The following IQGAP1 variants were observed in gnomAD, a reference collection of about 807,000 sequenced individuals.
IQGAP1 encodes IQ motif containing GTPase activating protein 1, also known as ras GTPase-activating-like protein IQGAP1.
A neutral mutation model predicts 215.6 loss-of-function variants in IQGAP1; 66 were observed. That is an observed-to-expected ratio of 0.31 (90% CI 0.25 to 0.38). The LOEUF (loss-of-function observed/expected upper bound fraction) is 0.38. Among genes scored for constraint, IQGAP1 ranks in the 10% least tolerant of loss-of-function variants. IQGAP1 has a pLI of 1.00. For missense variants in IQGAP1, 1,712 were observed against 1,997.1 expected, an observed-to-expected ratio of 0.86 and a Z score of 2.72; for synonymous variants, 772 against 728.7, an observed-to-expected ratio of 1.06 and a Z score of -0.96.
intron 2 of IQGAP1, among the ~76,000 whole-genome samples, chr15:90,406,528 T>C (rs569689539): frequency 2.3e-3 from 353 of 152,376 alleles, no homozygotes; most frequent in Non-Finnish European, 3.8e-3. Context: ...TACAACATTG[T>C]GAATATTCTA....
At position 90,440,600 on chromosome 15, in the gene IQGAP1, G is replaced by A. The variant is rs1300906521; in HGVS notation, c.634G>A (p.Val212Met). Residue 212 changes from valine to methionine, a missense_variant, in exon 7 of 38, where the codon GTG (valine) becomes ATG (methionine). By Grantham distance (21) the Val-to-Met change is conservative. Around this residue, in one of 2 missense-constraint regions of IQGAP1, gnomAD observed 1,021 missense variants for 1,074.2 expected, o/e 0.95. Coordinates refer to ENST00000268182, the MANE Select transcript of IQGAP1 (RefSeq NM_003870.4). The part of the protein sequence containing the change: ...IGGILANELS[V>M]DEAALHAAVI... ...GGGCATCTTGGCTAATGAACTGTCA[G>A]TGGATGAAGCCGCATGTAAGAAGAG... is the stretch of plus-strand genomic sequence containing the variant. 6.4e-7 allele frequency: 1 copy of A among 1,562,378 alleles called. No homozygotes were observed.
In IQGAP1 at chr15:90,474,473, A is replaced by G. The variant is rs528386360; in HGVS notation, c.2576-12A>G. On this transcript the variant is annotated splice_polypyrimidine_tract_variant and intron_variant, in intron 22 of 37. Transcript: ENST00000268182. ...CTGCTAACTCCATTCTTTGATGCAT[A>G]CTTTCTGTCAGTCAATGCTGAGGAT... The G allele has an allele frequency of 6.2e-7, 1 of 1,607,016 alleles. No homozygotes were observed. Among genetic ancestry groups the G allele is most frequent in the Admixed American group, 1.7e-5 (1 of 60,000 alleles).
chr15:90,404,129 T>C (rs967011070), intron 2 of IQGAP1, among the ~76,000 whole-genome samples: 2 of 152,244 alleles, frequency 1.3e-5, no homozygotes, highest in African/African-American at 4.8e-5. Flanking sequence ...GGTATGCCAT[T>C]GTGCATGTAT....
chr15:90,448,568 C>A lies in IQGAP1; in HGVS notation c.914-5C>A. On this transcript the variant is annotated splice_polypyrimidine_tract_variant and splice_region_variant and intron_variant, in intron 9 of 37. Coordinates refer to ENST00000268182, the MANE Select transcript of IQGAP1 (RefSeq NM_003870.4). The stretch of plus-strand genomic sequence containing the variant: ...CTTTCACAAGCTTTTGCCTTTTTTC[C>A]TCAGCATTTTCTGCATTAGCAAATA... 1 of 1,564,006 alleles carries A rather than the reference C, an allele frequency of 6.4e-7. No individual in the cohort carries two copies. The highest frequency in any genetic ancestry group is 2.3e-5 in the East Asian group (1 of 42,734).
At chr15:90,499,226 G>A (rs2151042312) in intron 37 of IQGAP1, among the ~76,000 whole-genome samples, 1 of 152,340 alleles carries the variant, frequency 6.6e-6, no homozygotes, top group Admixed American at 6.5e-5. Context: ...AATGGTGAAA[G>A]TAGCAGGAAA....
Position 90,477,278 on chromosome 15 carries a change from G to C in IQGAP1, c.3104+48G>C, listed in dbSNP as rs528871658. On this transcript the variant is annotated intron_variant, in intron 25 of 37. Transcript: ENST00000268182. Reference sequence around the variant, plus strand: ...CACAGGCCCCTTCCCACTATCAGAGGGGCTCCCAGTTTGAGATTCATGCCT... The same window carrying C: ...CACAGGCCCCTTCCCACTATCAGAGCGGCTCCCAGTTTGAGATTCATGCCT... 7 of 1,501,828 alleles carry C rather than the reference G, an allele frequency of 4.7e-6. No homozygotes were observed. In the South Asian group the frequency reaches 8.5e-5, roughly 18 times the overall value. 93.0% of individuals were successfully genotyped at this position (1,501,828 alleles called of 1,614,324 possible).
chr15:90,447,192 T>C (rs569675189), intron 9 of IQGAP1, among the ~76,000 whole-genome samples: 1 of 152,218 alleles, frequency 6.6e-6, no homozygotes, highest in Non-Finnish European at 1.5e-5. Flanking sequence ...CAGCCACATA[T>C]ACCTGCAGAC....
chr15:90,492,785 A>G (rs1966224103), intron 35 of IQGAP1, 74 bp downstream of exon 35: 2 of 1,273,912 alleles, frequency 1.6e-6, no homozygotes, highest in Admixed American at 5.0e-5. Flanking sequence ...CTGAAATGAC[A>G]CTGGAAATTT....
intron 17 of IQGAP1, 109 bp from the exon 18 acceptor site, chr15:90,467,341 A>G: frequency 9.4e-7 from 1 of 1,069,494 alleles, no homozygotes; most frequent in Non-Finnish European, 1.3e-6. Flanking sequence ...CAGCTTTTGG[A>G]GTGGTCTTCA....
intron 1 of IQGAP1, among the ~76,000 whole-genome samples, chr15:90,389,560 G>T (rs938672842): frequency 6.6e-6 from 1 of 151,886 alleles, no homozygotes; most frequent in East Asian, 1.9e-4. Context: ...TCAAACTCCT[G>T]ATCTCAAATG....
At chr15:90,442,069 G>A (rs1360832416) in intron 8 of IQGAP1, among the ~76,000 whole-genome samples, 3 of 152,078 alleles carry the variant, frequency 2.0e-5, no homozygotes, top group Non-Finnish European at 4.4e-5. Context: ...CTAGAGCGTA[G>A]CCATTAAAAT....
rs2238328 is a variant in IQGAP1 at position 90,484,694 on chromosome 15, A to G, written c.3921+342A>G. ...TGGCTAAATTTTTTGAATTTTTGGT[A>G]GAGACGGGGTTTCACTGTGTTAGCC... On this transcript the variant is annotated intron_variant, in intron 30 of 37. Coordinates refer to ENST00000268182, the MANE Select transcript of IQGAP1 (RefSeq NM_003870.4). Among the ~76,000 whole-genome samples, 3,699 of 152,182 alleles carry G rather than the reference A, an allele frequency of 0.024. 309 individuals carry two copies. The East Asian group carries it at 0.27, about 11-fold the overall frequency.
In IQGAP1 at chr15:90,487,602, AT is replaced by A; in HGVS notation, c.4248+21del. The A allele has an allele frequency of 6.5e-7, 1 of 1,535,924 alleles. No homozygotes were observed. The highest frequency in any genetic ancestry group is 9.0e-7 in the Non-Finnish European group (1 of 1,109,758). On this transcript the variant is annotated intron_variant, in intron 33 of 37. Transcript: ENST00000268182. ...GAACAGGTAAAATTTAGGGTCTAAC[AT>A]ACTCCTTTGTTTGGTAGATAAGCTC...
At chr15:90,450,475 C>G (rs963932488) in intron 11 of IQGAP1, among the ~76,000 whole-genome samples, 1 of 151,000 alleles carries the variant, frequency 6.6e-6, no homozygotes, top group African/African-American at 2.4e-5. Flanking sequence ...ATATACCTAG[C>G]AATGGGATTG....
At chr15:90,423,463 C>G (rs1389837637) in intron 2 of IQGAP1, among the ~76,000 whole-genome samples, 2 of 151,586 alleles carry the variant, frequency 1.3e-5, no homozygotes, top group Non-Finnish European at 1.5e-5. Context: ...GAACTCCTGA[C>G]CTCAAGTGTT....
chr15:90,430,267 A>G (rs529210416), intron 4 of IQGAP1, among the ~76,000 whole-genome samples: 18 of 152,098 alleles, frequency 1.2e-4, no homozygotes, highest in Admixed American at 2.0e-4. Flanking sequence ...TAACTGCCAC[A>G]CTGTATGGTC....
At chr15:90,412,128 A>G (rs1354793116) in intron 2 of IQGAP1, among the ~76,000 whole-genome samples, 3 of 152,226 alleles carry the variant, frequency 2.0e-5, no homozygotes. Flanking sequence ...CTAAGAATGA[A>G]GTGATTTGCT....
At position 90,472,859 on chromosome 15, in the gene IQGAP1, C is replaced by G. The variant is rs997846298; in HGVS notation, c.2198C>G (p.Thr733Ser). 12 of 1,612,102 alleles carry G rather than the reference C, an allele frequency of 7.4e-6. No homozygotes were observed. The highest frequency in any genetic ancestry group is 9.3e-6 in the Non-Finnish European group (11 of 1,178,808). ...EEIQSSISGV[T>S]AAYNREQLWL... is the part of the protein sequence containing the mutation. ...TTTCAGAGTTCTATCTCTGGGGTGA[C>G]TGCCGCATATAACCGAGAACAGCTG... The change falls in exon 19 of 38, where the codon ACT (threonine) becomes AGT (serine). Residue 733 changes from threonine (T) to serine (S), a missense_variant. Around this residue, in one of 2 missense-constraint regions of IQGAP1, gnomAD observed 1,021 missense variants for 1,074.2 expected, o/e 0.95. Transcript: ENST00000268182.
At chr15:90,405,941 C>T (rs1964871820) in intron 2 of IQGAP1, among the ~76,000 whole-genome samples, 1 of 152,026 alleles carries the variant, frequency 6.6e-6, no homozygotes, top group Non-Finnish European at 1.5e-5. Flanking sequence ...AGTTTACATT[C>T]TCCGTTGAGT....
Sources: allele counts gnomAD v4.1 joint callset (sites outside exome capture counted in the v4.1 genomes callset), GRCh38; gene constraint gnomAD v4.1.1; regional missense constraint gnomAD v4.1.1; transcripts MANE v1.5; gene names NCBI Gene and HGNC (gene_info 2026-07-23, HGNC 2026-07-21).